IL1RAPL1: variants seen among roughly 807,000 people sequenced by gnomAD.
IL1RAPL1 encodes interleukin 1 receptor accessory protein like 1.
A neutral mutation model predicts 48.4 loss-of-function variants in IL1RAPL1; 3 were observed. That is an observed-to-expected ratio of 0.06 (90% CI 0.03 to 0.16). IL1RAPL1 has a LOEUF of 0.16. Among genes scored for constraint, IL1RAPL1 ranks in the 10% least tolerant of loss-of-function variants. The probability of loss-of-function intolerance (pLI) is 1.00; values close to 1 mark genes in which losing one functional copy is unlikely to be tolerated. For synonymous variants in IL1RAPL1, 185 were observed against 187.7 expected, an observed-to-expected ratio of 0.99 and a Z score of 0.12; for missense variants, 349 against 530.6, an observed-to-expected ratio of 0.66 and a Z score of 3.36.
At chrX:29,223,281 G>A (rs1027805077) in intron 2 of IL1RAPL1, among the ~76,000 whole-genome samples, 11 of 111,745 alleles carry the variant, frequency 9.8e-5, no homozygotes, top group African/African-American at 3.6e-4. Flanking sequence ...ATACACATAT[G>A]TGTGTCTATT....
chrX:28,879,955 T>A (rs1922464796), intron 2 of IL1RAPL1, among the ~76,000 whole-genome samples: 2 of 111,963 alleles, frequency 1.8e-5, no homozygotes, highest in Admixed American at 9.5e-5. Flanking sequence ...ACCTCCCAAG[T>A]GAACTTCTCT....
At chrX:28,679,177 C>A (rs1294362015) in intron 1 of IL1RAPL1, among the ~76,000 whole-genome samples, 1 of 111,885 alleles carries the variant, frequency 8.9e-6, no homozygotes, top group Non-Finnish European at 1.9e-5. Context: ...TTTGCATTTT[C>A]CCCATAATTA....
intron 2 of IL1RAPL1, among the ~76,000 whole-genome samples, chrX:29,161,717 G>A (rs1293832953): frequency 8.9e-6 from 1 of 112,015 alleles, no homozygotes; most frequent in Admixed American, 9.5e-5. Flanking sequence ...TGAGATGCTG[G>A]CAAGGCTGTG....
intron 5 of IL1RAPL1, among the ~76,000 whole-genome samples, chrX:29,455,247 T>TG (rs1445926675): frequency 5.4e-5 from 6 of 111,552 alleles, no homozygotes; most frequent in Non-Finnish European, 9.4e-5. Context: ...AGAAAGTATG[T>TG]GGGAAAAAAA....
chrX:29,208,346 G>A (rs1052532095), intron 2 of IL1RAPL1, among the ~76,000 whole-genome samples: 7 of 111,568 alleles, frequency 6.3e-5, no homozygotes, highest in African/African-American at 2.3e-4. Context: ...ATAGAGCAGC[G>A]AGAAACAGTA....
intron 1 of IL1RAPL1, among the ~76,000 whole-genome samples, chrX:28,609,010 T>A (rs1379716768): frequency 1.8e-5 from 2 of 112,273 alleles, no homozygotes; most frequent in African/African-American, 6.5e-5. Context: ...GGCATTAAGA[T>A]GTGAATGTTT....
intron 6 of IL1RAPL1, among the ~76,000 whole-genome samples, chrX:29,911,748 G>A (rs1279613342): frequency 1.8e-5 from 2 of 111,697 alleles, no homozygotes; most frequent in Non-Finnish European, 3.8e-5. Flanking sequence ...CTATAGACAC[G>A]ACATACTTTT....
intron 6 of IL1RAPL1, among the ~76,000 whole-genome samples, chrX:29,820,048 A>G (rs191041894): frequency 0.016 from 1,704 of 107,120 alleles, 14 homozygotes; most frequent in Middle Eastern, 0.08. Flanking sequence ...TCTAAGTGTT[A>G]TATAAGTATT....
At chrX:29,037,736 A>C (rs1926761039) in intron 2 of IL1RAPL1, among the ~76,000 whole-genome samples, 1 of 111,766 alleles carries the variant, frequency 8.9e-6, no homozygotes, top group Non-Finnish European at 1.9e-5. Flanking sequence ...GTTTTTCTAA[A>C]ACAGGAATAT....
chrX:28,754,372 A>G (rs1413208406), intron 1 of IL1RAPL1, among the ~76,000 whole-genome samples: 2 of 112,116 alleles, frequency 1.8e-5, no homozygotes, highest in Admixed American at 1.9e-4. Flanking sequence ...TTGCTCCTTT[A>G]CCATCTGAAA....
intron 5 of IL1RAPL1, among the ~76,000 whole-genome samples, chrX:29,405,467 C>T (rs149133348): frequency 0.01 from 1,012 of 96,640 alleles, 192 homozygotes; most frequent in African/African-American, 0.048. Flanking sequence ...CCCGGGTTCA[C>T]GCCATTCTCC....
chrX:29,499,540 A>G (rs1038169437), intron 5 of IL1RAPL1, among the ~76,000 whole-genome samples: 8 of 112,070 alleles, frequency 7.1e-5, no homozygotes, highest in African/African-American at 2.6e-4. Flanking sequence ...ATTGCAGAAC[A>G]CACAACTTTA....
At chrX:28,780,333 A>ATGTGTG (rs1171085384) in intron 1 of IL1RAPL1, among the ~76,000 whole-genome samples, 3 of 96,504 alleles carry the variant, frequency 3.1e-5, no homozygotes, top group African/African-American at 7.8e-5. Context: ...GTGTGTGTGT[A>ATGTGTG]TGTGTGTGTG....
At chrX:28,762,437 C>A (rs1483177184) in intron 1 of IL1RAPL1, among the ~76,000 whole-genome samples, 1 of 111,087 alleles carries the variant, frequency 9.0e-6, no homozygotes, top group African/African-American at 3.3e-5. Context: ...GGCTGCATGG[C>A]GTTCAGAAAA....
At chrX:28,663,435 T>C (rs1272473298) in intron 1 of IL1RAPL1, among the ~76,000 whole-genome samples, 2 of 112,405 alleles carry the variant, frequency 1.8e-5, no homozygotes, top group Non-Finnish European at 3.8e-5. Flanking sequence ...TCTGACTGAG[T>C]ACTGTTGTAT....
chrX:28,951,081 A>G (rs1451280418), intron 2 of IL1RAPL1, among the ~76,000 whole-genome samples: 2 of 82,245 alleles, frequency 2.4e-5, no homozygotes, highest in Admixed American at 1.6e-4. Context: ...ATGAGAACAC[A>G]TGGACACAGG....
chrX:29,891,548 A>G (rs1247873522), intron 6 of IL1RAPL1, among the ~76,000 whole-genome samples: 2 of 111,831 alleles, frequency 1.8e-5, no homozygotes, highest in Non-Finnish European at 3.8e-5. Flanking sequence ...AATGACATGG[A>G]TGGATATGGT....
chrX:28,621,603 ATTC>A lies in IL1RAPL1; in HGVS notation c.-25+33562_-25+33564del, dbSNP rs773924329. On this transcript the variant is annotated intron_variant, in intron 1 of 10. Coordinates refer to ENST00000378993, the MANE Select transcript of IL1RAPL1 (RefSeq NM_014271.4). ...TTCTATGGCAAAAACCTTTCTGTAAATTCTTCTTTGACACCTGTATCTTAATCC... is the reference window on the plus strand; with the variant it reads ...TTCTATGGCAAAAACCTTTCTGTAAATTCTTTGACACCTGTATCTTAATCC... 7.2e-5 allele frequency among the ~76,000 whole-genome samples: 8 copies of A among 111,798 alleles called. No homozygotes were observed. The South Asian group carries it at 1.5e-3, about 21-fold the overall frequency.
At chrX:29,649,498 A>G (rs1057205525) in intron 5 of IL1RAPL1, among the ~76,000 whole-genome samples, 29 of 112,207 alleles carry the variant, frequency 2.6e-4, no homozygotes, top group Non-Finnish European at 4.1e-4. Flanking sequence ...TAAAGACCAC[A>G]TAATCATTTC....
Sources: allele counts gnomAD v4.1 joint callset (sites outside exome capture counted in the v4.1 genomes callset), GRCh38; gene constraint gnomAD v4.1.1; transcripts MANE v1.5; gene names NCBI Gene and HGNC (gene_info 2026-07-23, HGNC 2026-07-21).